The following FAM135B variants were observed in gnomAD, a reference collection of about 807,000 sequenced individuals.
FAM135B encodes the protein family with sequence similarity 135 member B, also known as protein FAM135B.
A neutral mutation model predicts 127.7 loss-of-function variants in FAM135B; 43 were observed. The ratio of observed to expected loss-of-function variants is 0.34; its 90% CI spans 0.26 to 0.43. The LOEUF is 0.43. Among genes scored for constraint, FAM135B ranks in the 20% least tolerant of loss-of-function variants. The probability of loss-of-function intolerance (pLI) is 1.00; values close to 1 mark genes in which losing one functional copy is unlikely to be tolerated. For synonymous variants in FAM135B, 670 were observed against 665.1 expected, an observed-to-expected ratio of 1.01 and a Z score of -0.11; for missense variants, 1,558 against 1,725.6, an observed-to-expected ratio of 0.90 and a Z score of 1.72.
chr8:138,302,717 C>A (rs892984946), intron 3 of FAM135B, among the ~76,000 whole-genome samples: 5 of 152,250 alleles, frequency 3.3e-5, no homozygotes, highest in Non-Finnish European at 5.9e-5. Flanking sequence ...TCCCCCCTCC[C>A]AAGCCCACAT....
At chr8:138,465,761 T>A (rs1837348164) in intron 1 of FAM135B, among the ~76,000 whole-genome samples, 1 of 150,062 alleles carries the variant, frequency 6.7e-6, no homozygotes, top group African/African-American at 2.4e-5. Flanking sequence ...TTGCTGTACA[T>A]CTTGGTGCAA....
intron 1 of FAM135B, among the ~76,000 whole-genome samples, chr8:138,472,057 G>T (rs984977015): frequency 6.6e-6 from 1 of 152,088 alleles, no homozygotes; most frequent in Non-Finnish European, 1.5e-5. Context: ...TGTTCAGTGG[G>T]AAAAGAATAA....
At chr8:138,374,074 A>T (rs1408171486) in intron 1 of FAM135B, among the ~76,000 whole-genome samples, 1 of 152,162 alleles carries the variant, frequency 6.6e-6, no homozygotes, top group Non-Finnish European at 1.5e-5. Context: ...TTTAAAAAAA[A>T]TCCCTAATAA....
chr8:138,219,380 C>T lies in FAM135B; in HGVS notation c.670-21711G>A, dbSNP rs542652914. On this transcript the variant is annotated intron_variant, in intron 7 of 19. Transcript: ENST00000395297. ...CCTGTAACTTCTAACATTGTTAAAC[C>T]TGGAACCTGTCCCTGGCAGCTTTCA... Among the ~76,000 whole-genome samples the T allele has an allele frequency of 3.3e-5, 5 of 152,250 alleles. No individual in the cohort carries two copies. In the East Asian group the frequency reaches 7.7e-4, roughly 24 times the overall value.
At position 138,243,591 on chromosome 8, in the gene FAM135B, T is replaced by C. The variant is rs1186449490; in HGVS notation, c.543-523A>G. On this transcript the variant is annotated intron_variant, in intron 6 of 19. Transcript: ENST00000395297. This position sits in a 1 kb window ranked among gnomAD's most constrained non-coding sequence, Gnocchi z 7.5. Reference sequence around the variant, plus strand: ...CAGAAAGCACTCGCTGTGTCAACGCTAATTGGGAAGACCATAACCTGCTCA... The same window carrying C: ...CAGAAAGCACTCGCTGTGTCAACGCCAATTGGGAAGACCATAACCTGCTCA... Among the ~76,000 whole-genome samples the C allele has an allele frequency of 6.6e-6, 1 of 152,226 alleles. No homozygotes were observed. Among genetic ancestry groups the C allele is most frequent in the African/African-American group, 2.4e-5 (1 of 41,458 alleles).
At chr8:138,227,593 G>C (rs918981959) in intron 7 of FAM135B, among the ~76,000 whole-genome samples, 1 of 152,094 alleles carries the variant, frequency 6.6e-6, no homozygotes, top group African/African-American at 2.4e-5. Flanking sequence ...AATGTATACA[G>C]TTTGGTGAGT....
intron 3 of FAM135B, among the ~76,000 whole-genome samples, chr8:138,290,862 C>T (rs1356007516): frequency 6.6e-6 from 1 of 152,102 alleles, no homozygotes; most frequent in Non-Finnish European, 1.5e-5. Flanking sequence ...TGTTTAAGAT[C>T]CTGCTATCCC....
In FAM135B at chr8:138,197,503, C is replaced by A; in HGVS notation, c.823+13G>T. On this transcript the variant is annotated intron_variant, in intron 8 of 19. Transcript: ENST00000395297. ...GCTGCTGGGATGGGCTTGCCCCTGT[C>A]CTGGGCCCTTACCCAGCTCCGTGTG... The A allele has an allele frequency of 6.2e-7, 1 of 1,613,164 alleles. No individual in the cohort carries two copies. Among genetic ancestry groups the A allele is most frequent in the Non-Finnish European group, 8.5e-7 (1 of 1,179,250 alleles).
intron 3 of FAM135B, among the ~76,000 whole-genome samples, chr8:138,266,745 T>C (rs1254676425): frequency 6.8e-6 from 1 of 147,314 alleles, no homozygotes; most frequent in Non-Finnish European, 1.5e-5. Context: ...ACATGAACTA[T>C]ACAGTTGGAT....
chr8:138,216,260 C>A (rs371081374), intron 7 of FAM135B, among the ~76,000 whole-genome samples: 1 of 152,106 alleles, frequency 6.6e-6, no homozygotes, highest in Non-Finnish European at 1.5e-5. Context: ...GACTTAGAAC[C>A]GTTGGAGGAT....
rs2130601683 is a variant in FAM135B at position 138,141,404 on chromosome 8, A to T, written c.3639-55T>A. The stretch of plus-strand genomic sequence containing the variant: ...GTGTGACGGTGAATGCTGCTGCCCA[A>T]GAGTGCAGTGCTGGAAGCATCAGGG... On this transcript the variant is annotated intron_variant, in intron 16 of 19. Transcript: ENST00000395297. The surrounding 1 kb of genome is among the most constrained non-coding windows in gnomAD (Gnocchi z 4.7). The T allele has an allele frequency of 6.3e-7, 1 of 1,576,076 alleles. No homozygotes were observed. Among genetic ancestry groups the T allele is most frequent in the South Asian group, 1.1e-5 (1 of 88,988 alleles).
chr8:138,247,103 C>T (rs1379030110), intron 6 of FAM135B, among the ~76,000 whole-genome samples: 1 of 152,198 alleles, frequency 6.6e-6, no homozygotes, highest in Non-Finnish European at 1.5e-5. Context: ...TTTGATTTTG[C>T]AGGCTCATAG....
intron 3 of FAM135B, among the ~76,000 whole-genome samples, chr8:138,294,774 G>A (rs949241184): frequency 6.6e-6 from 1 of 152,078 alleles, no homozygotes; most frequent in African/African-American, 2.4e-5. Context: ...AACAAAAAAA[G>A]AAACCTGTTT....
chr8:138,190,043 T>C (rs4278193), intron 9 of FAM135B, among the ~76,000 whole-genome samples: 2,827 of 152,290 alleles, frequency 0.019, 34 homozygotes, highest in Non-Finnish European at 0.029. Context: ...TCTCTGACTC[T>C]TTGCAGACAG....
At chr8:138,209,190 T>C (rs1332523483) in intron 7 of FAM135B, among the ~76,000 whole-genome samples, 2 of 152,082 alleles carry the variant, frequency 1.3e-5, no homozygotes, top group African/African-American at 4.8e-5. Flanking sequence ...ATGAATACTG[T>C]CCTCACCTGG....
At chr8:138,266,849 T>C (rs907095210) in intron 3 of FAM135B, among the ~76,000 whole-genome samples, 5 of 149,414 alleles carry the variant, frequency 3.3e-5, no homozygotes, top group Non-Finnish European at 5.9e-5. Flanking sequence ...CTAAAGTAAA[T>C]AATACTAATA....
chr8:138,349,193 G>A (rs1191849954), intron 2 of FAM135B, among the ~76,000 whole-genome samples: 1 of 152,240 alleles, frequency 6.6e-6, no homozygotes, highest in African/African-American at 2.4e-5. Flanking sequence ...AGCAAAGGAT[G>A]TACCTCTGTG....
rs559789405 is a variant in FAM135B at position 138,243,594 on chromosome 8, T to C, written c.543-526A>G. Among the ~76,000 whole-genome samples the C allele has an allele frequency of 1.3e-5, 2 of 152,326 alleles. No homozygotes were observed. Among genetic ancestry groups the C allele is most frequent in the South Asian group, 4.1e-4 (2 of 4,822 alleles). On this transcript the variant is annotated intron_variant, in intron 6 of 19. Coordinates refer to ENST00000395297, the MANE Select transcript of FAM135B (RefSeq NM_015912.4). The surrounding 1 kb of genome is among the most constrained non-coding windows in gnomAD (Gnocchi z 7.5). ...AAAGCACTCGCTGTGTCAACGCTAA[T>C]TGGGAAGACCATAACCTGCTCAGCT...
At chr8:138,404,627 T>A (rs1383908737) in intron 1 of FAM135B, among the ~76,000 whole-genome samples, 1 of 152,150 alleles carries the variant, frequency 6.6e-6, no homozygotes, top group Non-Finnish European at 1.5e-5. Context: ...TTATAGAATA[T>A]TTTAAATCCT....
Sources: gnomAD v4.1 joint callset for allele counts (sites outside exome capture counted in the v4.1 genomes callset) on GRCh38, gnomAD v4.1.1 for gene constraint, Gnocchi (gnomAD v3.1) non-coding constraint, MANE v1.5 for transcripts, NCBI Gene and HGNC (gene_info 2026-07-23, HGNC 2026-07-21) for gene names.